The following CFAP44 variants were observed in gnomAD, a reference collection of about 807,000 sequenced individuals.
CFAP44 encodes cilia and flagella associated protein 44.
In CFAP44, 134 loss-of-function variants were observed where a neutral mutation model predicts 216.2. That is an observed-to-expected ratio of 0.62 (90% confidence interval 0.54 to 0.72). CFAP44 has a LOEUF of 0.72. CFAP44 is among the 30% of genes least tolerant of loss of function. The pLI, the probability that CFAP44 is intolerant of heterozygous loss-of-function variation, is 0.00. For synonymous variants in CFAP44, 700 were observed against 727.6 expected (o/e 0.96, Z 0.61); for missense variants, 2,035 against 2,182.1 (o/e 0.93, Z 1.34).
intron 28 of CFAP44, among the ~76,000 whole-genome samples, chr3:113,311,826 C>A (rs184254816): frequency 3.9e-5 from 6 of 152,222 alleles, no homozygotes; most frequent in Admixed American, 6.5e-5. Context: ...ACAATAAGGT[C>A]CAGGCTGAGG....
intron 13 of CFAP44, among the ~76,000 whole-genome samples, chr3:113,398,646 C>T (rs918856507): frequency 6.6e-6 from 1 of 152,196 alleles, no homozygotes; most frequent in African/African-American, 2.4e-5. Flanking sequence ...CTAGCCTCAT[C>T]ATGAAGATGG....
chr3:113,423,608 T>C (rs563365917), intron 4 of CFAP44, among the ~76,000 whole-genome samples: 34 of 152,340 alleles, frequency 2.2e-4, no homozygotes, highest in Admixed American at 4.6e-4. Flanking sequence ...TCAATGTTTT[T>C]TCATGGCCAT....
At chr3:113,381,121 G>A in intron 15 of CFAP44, 61 bp from the exon 16 acceptor site, 1 of 1,210,058 alleles carries the variant, frequency 8.3e-7, no homozygotes. Context: ...ATAGTTTAAA[G>A]AGATTATAAA....
Position 113,395,817 on chromosome 3 carries a change from T to C in CFAP44, c.1823A>G (p.Tyr608Cys), listed in dbSNP as rs1378021946. The change falls in exon 15 of 35, where the codon TAT becomes TGT. Residue 608 changes from tyrosine (Y) to cysteine (C), a missense_variant. Physicochemically the swap from Tyr to Cys is radical, Grantham distance 194. Around this residue, in one of 3 missense-constraint regions of CFAP44, gnomAD observed 1,883 missense variants for 2,023.7 expected, o/e 0.93. Coordinates refer to ENST00000393845, the MANE Select transcript of CFAP44 (RefSeq NM_001164496.2). ...TVFFFEVERD[Y>C]KPIGYINTPG... ...AGTATTAATATAACCAATCGGCTTATAATCCCTTTCCACTTCAAAGAAGAA... is the reference window on the plus strand; with the variant it reads ...AGTATTAATATAACCAATCGGCTTACAATCCCTTTCCACTTCAAAGAAGAA... The C allele has an allele frequency of 1.9e-6, 3 of 1,613,888 alleles. No individual in the cohort carries two copies. Among genetic ancestry groups the C allele is most frequent in the African/African-American group, 1.3e-5 (1 of 74,930 alleles).
Position 113,341,727 on chromosome 3 carries a change from G to T in CFAP44, c.3437+17C>A, listed in dbSNP as rs1299029413. ...CACATATTAAAAAGATAAGAGTTTA[G>T]GTAAAAAAAAACTCACAGTTCCTCC... On this transcript the variant is annotated intron_variant, in intron 24 of 34. Coordinates refer to ENST00000393845, the MANE Select transcript of CFAP44 (RefSeq NM_001164496.2). 3 of 1,461,166 alleles carry T rather than the reference G, an allele frequency of 2.1e-6. No homozygotes were observed. The highest frequency in any genetic ancestry group is 1.8e-6 in the Non-Finnish European group (2 of 1,119,326). The allele number at this position is 1,461,166 out of a possible 1,614,324, so 90.5% of individuals were successfully genotyped here.
Position 113,409,014 on chromosome 3 carries a change from A to G in CFAP44, c.890+92T>C, listed in dbSNP as rs1576595322. ...AATGTTAACCAAAACAGCAAAAAAA[A>G]AAAAAAAAAAAAAAAGTCTCCAGCT... On this transcript the variant is annotated intron_variant, in intron 7 of 34. Transcript: ENST00000393845. 9.5e-6 allele frequency: 7 copies of G among 735,290 alleles called. No individual in the cohort carries two copies. The East Asian group carries it at 2.2e-4, about 23-fold the overall frequency. The allele number at this position is 735,290 out of a possible 1,614,324, so 45.5% of individuals were successfully genotyped here. A position where few individuals can be genotyped will look rare whatever the true frequency, so the allele number is the denominator to read the frequency against.
intron 28 of CFAP44, among the ~76,000 whole-genome samples, chr3:113,319,103 T>C (rs1281972900): frequency 1.3e-5 from 2 of 152,142 alleles, no homozygotes; most frequent in African/African-American, 4.8e-5. Context: ...ACCTTGAATG[T>C]AAATGGGCTA....
intron 15 of CFAP44, among the ~76,000 whole-genome samples, chr3:113,381,467 C>A (rs1429999467): frequency 6.6e-6 from 1 of 152,170 alleles, no homozygotes; most frequent in South Asian, 2.1e-4. Flanking sequence ...TCAGTCCCAT[C>A]CTACTTTAAT....
Position 113,303,935 on chromosome 3 carries a change from TTC to T in CFAP44, c.5056_5057del (p.Glu1686AsnfsTer35). ...RRKQLIREKR[E>X]MTKTIHKMEE... ...ACTCACTGTGTATGGTTTTTGTCAT[TTC>T]TCTCTTTTCTCGGATGAGCTGTTTA... On this transcript the variant is annotated frameshift_variant, in exon 32 of 35. Coordinates refer to ENST00000393845, the MANE Select transcript of CFAP44 (RefSeq NM_001164496.2). LOFTEE classifies it high-confidence loss of function. 2 of 1,537,788 alleles carry T rather than the reference TTC, an allele frequency of 1.3e-6. No homozygotes were observed. Among genetic ancestry groups the T allele is most frequent in the Non-Finnish European group, 1.7e-6 (2 of 1,147,012 alleles).
chr3:113,352,982 T>C (rs1481841996), intron 22 of CFAP44, among the ~76,000 whole-genome samples: 3 of 152,128 alleles, frequency 2.0e-5, no homozygotes. Context: ...CTATGGTGGA[T>C]GGAGGGTCCC....
intron 22 of CFAP44, among the ~76,000 whole-genome samples, chr3:113,348,781 T>G (rs904707405): frequency 6.6e-6 from 1 of 152,152 alleles, no homozygotes; most frequent in Non-Finnish European, 1.5e-5. Flanking sequence ...TTAAAGCAGA[T>G]CAAGGCAGAC....
At position 113,427,304 on chromosome 3, in the gene CFAP44, C is replaced by A. The variant is rs1329830770; in HGVS notation, c.136G>T (p.Asp46Tyr). The change falls in exon 3 of 35, where the codon GAC (aspartate) becomes TAC (tyrosine). Residue 46 changes from aspartate (D) to tyrosine (Y), a missense_variant. Asp to Tyr is a radical substitution (Grantham distance 160, BLOSUM62 -3). This residue lies in a region of CFAP44 where 149 missense variants were observed against 141.8 expected (regional missense o/e 1.05). Coordinates refer to ENST00000393845, the MANE Select transcript of CFAP44 (RefSeq NM_001164496.2). ...CCTTTGGTAAATGTTTCATCTGTGT[C>A]ATCTTCTAAAAATGTGTTATCTTCT... ...VQEDNTFLEDDTDETFTKGEG... is the reference protein window; with the variant it reads ...VQEDNTFLEDYTDETFTKGEG... The A allele has an allele frequency of 1.9e-6, 3 of 1,611,556 alleles. No homozygotes were observed. The highest frequency in any genetic ancestry group is 1.7e-5 in the Admixed American group (1 of 59,650).
chr3:113,407,770 T>C (rs906011115), intron 7 of CFAP44, among the ~76,000 whole-genome samples: 1 of 152,098 alleles, frequency 6.6e-6, no homozygotes, highest in African/African-American at 2.4e-5. Context: ...TCCAAGTAGA[T>C]ATAAAATAGA....
intron 24 of CFAP44, among the ~76,000 whole-genome samples, chr3:113,334,581 C>G (rs999987246): frequency 1.3e-5 from 2 of 151,868 alleles, no homozygotes; most frequent in African/African-American, 2.4e-5. Flanking sequence ...GGTGAAGTCC[C>G]TAGAATGCTC....
At chr3:113,408,140 A>G (rs1934339476) in intron 7 of CFAP44, among the ~76,000 whole-genome samples, 1 of 152,246 alleles carries the variant, frequency 6.6e-6, no homozygotes. Context: ...GACAAGAGGA[A>G]GTCAGGATGG....
At chr3:113,389,738 T>C in intron 15 of CFAP44, among the ~76,000 whole-genome samples, 1 of 152,120 alleles carries the variant, frequency 6.6e-6, no homozygotes, top group Non-Finnish European at 1.5e-5. Context: ...TTTATGCAAG[T>C]AAATTTTAAA....
rs1304676671 is a variant in CFAP44, at chr3:113,403,890, C to T, written c.1132G>A (p.Gly378Ser). 6.2e-7 allele frequency: 1 copy of T among 1,613,914 alleles called. No homozygotes were observed. Among genetic ancestry groups the T allele is most frequent in the Non-Finnish European group, 8.5e-7 (1 of 1,179,952 alleles). Residue 378 changes from glycine to serine, a missense_variant, in exon 9 of 35, where the codon GGT (glycine) becomes AGT (serine). Gly to Ser is a moderately conservative substitution (Grantham distance 56). This residue lies in a region of CFAP44 where 1,883 missense variants were observed against 2,023.7 expected (regional missense o/e 0.93). Coordinates refer to ENST00000393845, the MANE Select transcript of CFAP44 (RefSeq NM_001164496.2). ...TCTGACCCAACAGTGATAACTTCACCCTCATACAGCATTATCTGGTTAATG... is the reference window on the plus strand; with the variant it reads ...TCTGACCCAACAGTGATAACTTCACTCTCATACAGCATTATCTGGTTAATG... ...GPINQIMLYE[G>S]EVITVGSDGY... is the part of the protein sequence containing the mutation.
At chr3:113,342,135 C>A (rs1039156575) in intron 23 of CFAP44, among the ~76,000 whole-genome samples, 1 of 152,272 alleles carries the variant, frequency 6.6e-6, no homozygotes, top group Non-Finnish European at 1.5e-5. Context: ...GAGTTTGAGA[C>A]CAGCCTGGGC....
chr3:113,419,923 G>C (rs923479747), intron 5 of CFAP44, 94 bp downstream of exon 5: 4 of 1,296,508 alleles, frequency 3.1e-6, no homozygotes, highest in African/African-American at 1.5e-5. Flanking sequence ...TACTGTGCAT[G>C]GTGTTGGCAT....
Sources: allele counts gnomAD v4.1 joint callset (sites outside exome capture counted in the v4.1 genomes callset), GRCh38; gene constraint gnomAD v4.1.1; regional missense constraint gnomAD v4.1.1; transcripts MANE v1.5; gene names NCBI Gene and HGNC (gene_info 2026-07-23, HGNC 2026-07-21).